The following PEAK1 variants were observed in gnomAD, a reference collection of about 807,000 sequenced individuals.
The protein encoded by PEAK1 is inactive tyrosine-protein kinase PEAK1.
PEAK1 carries 54 observed loss-of-function variants against 124.7 expected under a neutral mutation model. The observed-to-expected ratio is 0.43, with a 90% CI of 0.35 to 0.54. The LOEUF is 0.54. Among genes scored for constraint, PEAK1 ranks in the 20% least tolerant of loss-of-function variants. PEAK1 has a pLI of 0.01. For synonymous variants in PEAK1, 719 were observed against 760.0 expected (o/e 0.95, Z 0.89); for missense variants, 2,046 against 2,134.5 (o/e 0.96, Z 0.82).
At chr15:77,386,236 C>G (rs141091876) in intron 1 of PEAK1, among the ~76,000 whole-genome samples, 1 of 152,172 alleles carries the variant, frequency 6.6e-6, no homozygotes, top group Admixed American at 6.5e-5. Context: ...TGTGGACCCA[C>G]GAAGTACGCC....
At chr15:77,268,104 G>C (rs181991105) in intron 5 of PEAK1, among the ~76,000 whole-genome samples, 52 of 152,272 alleles carry the variant, frequency 3.4e-4, no homozygotes, top group Non-Finnish European at 5.9e-4. Context: ...ACAAGTAGAA[G>C]AAAGAATATC....
chr15:77,161,215 C>T (rs963923707), intron 7 of PEAK1, among the ~76,000 whole-genome samples: 1 of 152,192 alleles, frequency 6.6e-6, no homozygotes, highest in African/African-American at 2.4e-5. Context: ...ACCATAGATT[C>T]CACTGAGTTC....
At position 77,114,803 on chromosome 15, in the gene PEAK1, TC is replaced by T; in HGVS notation, c.4593del (p.Thr1532LeufsTer21). On this transcript the variant is annotated frameshift_variant, in exon 10 of 10. Coordinates refer to ENST00000682557, the MANE Select transcript of PEAK1 (RefSeq NM_001385026.1). LOFTEE classifies it high-confidence loss of function. ...TCTGCAGGCCCAAAGCCTTGGGCAG[TC>T]CCCCCAGGCTGGTAGTGGACAAGTA... ...NLLLVHYQPGGTAQGFGPAEP... is the reference protein window; with the variant it reads ...NLLLVHYQPGXTAQGFGPAEP... 6.2e-7 allele frequency: 1 copy of T among 1,612,736 alleles called. No individual in the cohort carries two copies.
chr15:77,117,398 T>C (rs1359069279), intron 9 of PEAK1, among the ~76,000 whole-genome samples: 1 of 152,204 alleles, frequency 6.6e-6, no homozygotes, highest in Non-Finnish European at 1.5e-5. Flanking sequence ...TGAGGATTAA[T>C]TGGGATCAAG....
At chr15:77,417,743 A>G in intron 1 of PEAK1, 1 of 985,494 alleles carries the variant, frequency 1.0e-6, no homozygotes. Context: ...TAAAAAGAAC[A>G]ACAAATCTCT....
At chr15:77,141,674 T>G (rs570977526) in intron 8 of PEAK1, among the ~76,000 whole-genome samples, 1 of 152,154 alleles carries the variant, frequency 6.6e-6, no homozygotes, top group Non-Finnish European at 1.5e-5. Flanking sequence ...GGCGTAAGAA[T>G]AGAAATATAG....
chr15:77,179,304 A>G lies in PEAK1; in HGVS notation c.2623T>C (p.Ser875Pro). 1 of 1,613,894 alleles carries G rather than the reference A, an allele frequency of 6.2e-7. No individual in the cohort carries two copies. Among genetic ancestry groups the G allele is most frequent in the Non-Finnish European group, 8.5e-7 (1 of 1,179,986 alleles). ...EPPAPFPPPRSTSSPYHAGNL... is the reference protein window; with the variant it reads ...EPPAPFPPPRPTSSPYHAGNL... ...CCTGCATGGTAAGGAGAAGAAGTAGAGCGTGGCGGGGGAAAGGGAGCTGGT... is the reference window on the plus strand; with the variant it reads ...CCTGCATGGTAAGGAGAAGAAGTAGGGCGTGGCGGGGGAAAGGGAGCTGGT... The change falls in exon 7 of 10, where the codon TCT becomes CCT. Residue 875 changes from serine to proline, a missense_variant. Coordinates refer to ENST00000682557, the MANE Select transcript of PEAK1 (RefSeq NM_001385026.1).
chr15:77,369,358 A>C (rs2068485024), intron 1 of PEAK1, among the ~76,000 whole-genome samples: 1 of 152,220 alleles, frequency 6.6e-6, no homozygotes, highest in Non-Finnish European at 1.5e-5. Flanking sequence ...CGACCCTTAG[A>C]AAATACAACC....
intron 7 of PEAK1, among the ~76,000 whole-genome samples, chr15:77,167,778 T>G (rs1290874188): frequency 1.3e-5 from 2 of 152,224 alleles, no homozygotes; most frequent in Non-Finnish European, 2.9e-5. Flanking sequence ...AGGGTACACA[T>G]GCACAACGTG....
intron 2 of PEAK1, among the ~76,000 whole-genome samples, chr15:77,298,064 CAAAAAAAA>C (rs771222323): frequency 1.6e-4 from 5 of 31,560 alleles, no homozygotes; most frequent in African/African-American, 5.9e-4. Context: ...GACTCCGTCT[CAAAAAAAA>C]AAAAAAAAAA....
chr15:77,254,357 T>C (rs2061026470), intron 5 of PEAK1, among the ~76,000 whole-genome samples: 1 of 152,172 alleles, frequency 6.6e-6, no homozygotes, highest in East Asian at 1.9e-4. Flanking sequence ...TCAGGATATG[T>C]TCTTTTATAA....
chr15:77,126,737 TA>T (rs1444199733), intron 9 of PEAK1, among the ~76,000 whole-genome samples: 1 of 152,216 alleles, frequency 6.6e-6, no homozygotes, highest in Middle Eastern at 3.2e-3. Flanking sequence ...TACACAGTGA[TA>T]TCTTCAGAAC....
rs376809246 is a variant in PEAK1, at chr15:77,288,678, C to T, written c.-602-2174G>A. Among the ~76,000 whole-genome samples, 339 of 152,284 alleles carry T rather than the reference C, an allele frequency of 2.2e-3. 1 individual carries two copies. Among genetic ancestry groups the T allele is most frequent in the African/African-American group, 7.8e-3 (323 of 41,576 alleles). The stretch of plus-strand genomic sequence containing the variant: ...TTCAATGAGGCTGGGCGTGGTGGCT[C>T]ATGCCTGTAATCCCAGCACTTTGGG... On this transcript the variant is annotated intron_variant, in intron 2 of 9. Coordinates refer to ENST00000682557, the MANE Select transcript of PEAK1 (RefSeq NM_001385026.1).
chr15:77,322,826 CA>C (rs1287453145), intron 2 of PEAK1, among the ~76,000 whole-genome samples: 1 of 151,866 alleles, frequency 6.6e-6, no homozygotes, highest in African/African-American at 2.4e-5. Context: ...GACACAACAA[CA>C]ACAAAAAAAG....
At chr15:77,346,539 C>G (rs1463762951) in intron 2 of PEAK1, 1 of 985,228 alleles carries the variant, frequency 1.0e-6, no homozygotes, top group Non-Finnish European at 1.2e-6. Context: ...CTCAGACACC[C>G]ACCTGGCAAG....
chr15:77,156,983 C>A (rs2055210652), intron 8 of PEAK1: 1 of 152,132 alleles, frequency 6.6e-6, no homozygotes, highest in African/African-American at 2.4e-5. Context: ...CCCCTACTCC[C>A]AAATCACAAA....
At chr15:77,263,484 C>G (rs2061549664) in intron 5 of PEAK1, among the ~76,000 whole-genome samples, 2 of 152,136 alleles carry the variant, frequency 1.3e-5, no homozygotes, top group South Asian at 2.1e-4. Flanking sequence ...CACCTCTACA[C>G]AAATAAACTA....
At chr15:77,252,267 G>T in intron 6 of PEAK1, 100 bp downstream of exon 6, 1 of 642,800 alleles carries the variant, frequency 1.6e-6, no homozygotes, top group Non-Finnish European at 1.9e-6. Context: ...TTTATCTATA[G>T]TTTGGCATTT....
At chr15:77,263,736 T>A (rs1364579399) in intron 5 of PEAK1, among the ~76,000 whole-genome samples, 12 of 152,046 alleles carry the variant, frequency 7.9e-5, no homozygotes, top group Non-Finnish European at 1.8e-4. Context: ...AAAGAGGGAA[T>A]CCTCCCTAAC....
Sources: gnomAD v4.1 joint callset for allele counts (sites outside exome capture counted in the v4.1 genomes callset) on GRCh38, gnomAD v4.1.1 for gene constraint, MANE v1.5 for transcripts, NCBI Gene and HGNC (gene_info 2026-07-23, HGNC 2026-07-21) for gene names.